The following ROBO1 variants were observed in gnomAD, a reference collection of about 807,000 sequenced individuals.
ROBO1 encodes roundabout guidance receptor 1.
A neutral mutation model predicts 195.9 loss-of-function variants in ROBO1; 149 were observed. The observed-to-expected ratio is 0.76, with a 90% CI of 0.67 to 0.87. The LOEUF is 0.87. ROBO1 is among the 40% of genes least tolerant of loss of function. The pLI is 0.00. For synonymous variants in ROBO1, 816 were observed against 733.2 expected (o/e 1.11, Z -1.82); for missense variants, 1,933 against 2,068.3 (o/e 0.93, Z 1.27).
intron 2 of ROBO1, among the ~76,000 whole-genome samples, chr3:79,473,941 G>T (rs574706494): frequency 6.6e-6 from 1 of 152,088 alleles, no homozygotes; most frequent in Non-Finnish European, 1.5e-5. Flanking sequence ...TAAGAAATAT[G>T]TGAGTTCTGA....
chr3:78,968,536 T>C (rs1560062818), intron 3 of ROBO1, among the ~76,000 whole-genome samples: 1 of 151,890 alleles, frequency 6.6e-6, no homozygotes, highest in Admixed American at 6.6e-5. Flanking sequence ...CCTGGGCTTC[T>C]CAAAGTGCTA....
intron 1 of ROBO1, among the ~76,000 whole-genome samples, chr3:79,669,993 A>C (rs970508235): frequency 6.6e-6 from 1 of 151,906 alleles, no homozygotes; most frequent in Non-Finnish European, 1.5e-5. Context: ...AAAGTGAATA[A>C]ATTTGAGTAC....
At chr3:79,233,653 C>T (rs987690173) in intron 2 of ROBO1, among the ~76,000 whole-genome samples, 4 of 151,998 alleles carry the variant, frequency 2.6e-5, no homozygotes, top group Non-Finnish European at 4.4e-5. Flanking sequence ...AGCAAGGCAA[C>T]GGGAAGTCAC....
chr3:79,305,115 A>G lies in ROBO1; in HGVS notation c.89-179576T>C, dbSNP rs72898026. Reference sequence around the variant, plus strand: ...TCTTCAACATTTTTAACAAGTCTCAATGATAACAATCACTCACCAACAAAT... The same window carrying G: ...TCTTCAACATTTTTAACAAGTCTCAGTGATAACAATCACTCACCAACAAAT... On this transcript the variant is annotated intron_variant, in intron 2 of 30. Transcript: ENST00000464233. Among the ~76,000 whole-genome samples the G allele has an allele frequency of 1.6e-3, 247 of 152,256 alleles. 1 individual carries two copies. The highest frequency in any genetic ancestry group is 5.4e-3 in the African/African-American group (225 of 41,572).
In ROBO1 at chr3:79,063,510, CAA is replaced by C. The variant is rs11441603; in HGVS notation, c.172+61944_172+61945del. 3.4e-3 allele frequency among the ~76,000 whole-genome samples: 462 copies of C among 136,486 alleles called. 5 individuals are homozygous for C. The highest frequency in any genetic ancestry group is 0.012 in the Middle Eastern group (3 of 252). 89.5% of individuals were successfully genotyped at this position (136,486 alleles called of 152,430 possible). A position where few individuals can be genotyped will look rare whatever the true frequency, so the allele number is the denominator to read the frequency against. ...CCAATAAGCTAGAGTTTTCTCATTCCAAAAAAAAAAAAAAAAATGGACCTACT... is the reference window on the plus strand; with the variant it reads ...CCAATAAGCTAGAGTTTTCTCATTCCAAAAAAAAAAAAAAATGGACCTACT... On this transcript the variant is annotated intron_variant, in intron 3 of 30. Transcript: ENST00000464233.
chr3:78,843,091 T>C (rs2033384358), intron 4 of ROBO1, among the ~76,000 whole-genome samples: 1 of 152,124 alleles, frequency 6.6e-6, no homozygotes, highest in African/African-American at 2.4e-5. Flanking sequence ...ATGATAAGCA[T>C]GTATTTGTTT....
At chr3:78,832,968 A>G (rs1246256881) in intron 4 of ROBO1, among the ~76,000 whole-genome samples, 1 of 152,216 alleles carries the variant, frequency 6.6e-6, no homozygotes, top group Non-Finnish European at 1.5e-5. Flanking sequence ...AGAGGAGGCC[A>G]TTGATCTGGC....
chr3:79,614,439 C>A (rs1944757589), intron 1 of ROBO1, among the ~76,000 whole-genome samples: 1 of 151,916 alleles, frequency 6.6e-6, no homozygotes. Flanking sequence ...ACATAACATA[C>A]AAATTCATGG....
At chr3:79,676,831 G>A (rs1946798197) in intron 1 of ROBO1, among the ~76,000 whole-genome samples, 1 of 152,024 alleles carries the variant, frequency 6.6e-6, no homozygotes, top group Non-Finnish European at 1.5e-5. Flanking sequence ...ATGAGAATGA[G>A]GGGGAGTCAG....
intron 3 of ROBO1, among the ~76,000 whole-genome samples, chr3:79,086,604 C>A (rs1015780313): frequency 6.6e-6 from 1 of 152,086 alleles, no homozygotes; most frequent in Non-Finnish European, 1.5e-5. Flanking sequence ...GCTTTATGTG[C>A]AAACTACAGG....
At chr3:79,347,250 GA>G (rs532220206) in intron 2 of ROBO1, among the ~76,000 whole-genome samples, 12 of 152,042 alleles carry the variant, frequency 7.9e-5, no homozygotes, top group Admixed American at 3.9e-4. Flanking sequence ...TAGTATTAAA[GA>G]AAAAAAGCCA....
At chr3:79,632,259 A>T (rs994812757) in intron 1 of ROBO1, among the ~76,000 whole-genome samples, 1 of 152,182 alleles carries the variant, frequency 6.6e-6, no homozygotes, top group Non-Finnish European at 1.5e-5. Flanking sequence ...GATTGGAAAA[A>T]GAAGTGTGGA....
At chr3:78,792,196 G>A (rs4681013) in intron 4 of ROBO1, among the ~76,000 whole-genome samples, 89,869 of 151,994 alleles carry the variant, frequency 0.59, 27,618 homozygotes, top group South Asian at 0.76. Flanking sequence ...GGTGTGAAGC[G>A]TGGTACTAAA....
chr3:79,247,885 G>A (rs1024862028), intron 2 of ROBO1, among the ~76,000 whole-genome samples: 8 of 152,078 alleles, frequency 5.3e-5, no homozygotes, highest in Admixed American at 5.2e-4. Context: ...AAGCATCCTG[G>A]CAGTGGAGCC....
intron 4 of ROBO1, among the ~76,000 whole-genome samples, chr3:78,834,854 A>G (rs1303316866): frequency 6.6e-6 from 1 of 152,170 alleles, no homozygotes; most frequent in African/African-American, 2.4e-5. Flanking sequence ...GTGTTGCACT[A>G]AACAGTTGGT....
At chr3:78,922,663 G>T (rs1013677950) in intron 4 of ROBO1, among the ~76,000 whole-genome samples, 1 of 142,138 alleles carries the variant, frequency 7.0e-6, no homozygotes, top group African/African-American at 2.7e-5. Flanking sequence ...AGGCTGGAGT[G>T]CAGTGGCACG....
chr3:78,829,636 T>A (rs2031964270), intron 4 of ROBO1, among the ~76,000 whole-genome samples: 8 of 152,154 alleles, frequency 5.3e-5, no homozygotes, highest in Admixed American at 5.2e-4. Context: ...AACTAATGAT[T>A]TCCCCCTCTA....
intron 2 of ROBO1, among the ~76,000 whole-genome samples, chr3:79,413,055 T>C (rs1432200419): frequency 6.6e-6 from 1 of 151,614 alleles, no homozygotes; most frequent in Non-Finnish European, 1.5e-5. Flanking sequence ...TAATAAAATA[T>C]TGTTATGCTT....
intron 2 of ROBO1, among the ~76,000 whole-genome samples, chr3:79,422,192 ATAT>A (rs1346292705): frequency 1.3e-4 from 20 of 148,404 alleles, no homozygotes; most frequent in African/African-American, 4.6e-4. Flanking sequence ...ATTATATTAT[ATAT>A]TTTGTATCAT....
Sources: allele counts gnomAD v4.1 joint callset (sites outside exome capture counted in the v4.1 genomes callset), GRCh38; gene constraint gnomAD v4.1.1; transcripts MANE v1.5; gene names NCBI Gene and HGNC (gene_info 2026-07-23, HGNC 2026-07-21).